The following TTLL8 variants were observed in gnomAD, a reference collection of about 807,000 sequenced individuals.
The protein encoded by TTLL8 is tubulin tyrosine ligase like 8.
Under a neutral mutation model 77.8 loss-of-function variants are expected in TTLL8, and 65 were observed. The observed-to-expected ratio is 0.84, with a 90% CI of 0.68 to 1.03. The LOEUF (loss-of-function observed/expected upper bound fraction) is 1.03, where lower values mean the gene tolerates loss of function less well. Among genes scored for constraint, TTLL8 ranks in the 50% least tolerant of loss-of-function variants. The probability of loss-of-function intolerance (pLI) is 0.00; values close to 1 mark genes in which losing one functional copy is unlikely to be tolerated. For synonymous variants in TTLL8, 402 were observed against 422.8 expected (o/e 0.95, Z 0.60); for missense variants, 910 against 1,004.5 (o/e 0.91, Z 1.27).
At chr22:50,035,334 A>C (rs1316519306) in intron 8 of TTLL8, among the ~76,000 whole-genome samples, 1 of 152,196 alleles carries the variant, frequency 6.6e-6, no homozygotes, top group Non-Finnish European at 1.5e-5. Flanking sequence ...AAGACACAGG[A>C]CATCGGGGTT....
upstream of TTLL8, among the ~76,000 whole-genome samples, chr22:50,056,393 G>A (rs929804603): frequency 2.0e-5 from 3 of 152,150 alleles, no homozygotes; most frequent in African/African-American, 4.8e-5. The surrounding 1 kb of genome is among the most constrained non-coding windows in gnomAD (Gnocchi z 4.1). Flanking sequence ...CACCCACTGC[G>A]GGTGGGGACG....
chr22:50,054,172 G>C (rs1223869426), intron 1 of TTLL8, among the ~76,000 whole-genome samples: 2 of 152,194 alleles, frequency 1.3e-5, no homozygotes, highest in South Asian at 2.1e-4. Flanking sequence ...ATGACTTGGG[G>C]TTCCTCTGTG....
At chr22:50,046,991 C>T (rs1218243745) in intron 4 of TTLL8, 177 bp downstream of exon 6, 4 of 752,900 alleles carry the variant, frequency 5.3e-6, no homozygotes, top group Non-Finnish European at 6.5e-6. Flanking sequence ...CACAGGGGTG[C>T]TGGGGGTGGG....
exon 12 of TTLL8, chr22:50,030,475 G>C (rs1426200378): frequency 7.4e-7 from 1 of 1,346,706 alleles, no homozygotes; most frequent in Non-Finnish European, 9.8e-7. Context: ...GCTGTCTTCA[G>C]GCCCCGCAGC....
At chr22:50,053,309 A>G (rs570389973) in intron 1 of TTLL8, among the ~76,000 whole-genome samples, 22 of 152,310 alleles carry the variant, frequency 1.4e-4, no homozygotes, top group Admixed American at 3.9e-4. Context: ...ACAAATTTCA[A>G]TGGAATAACA....
At chr22:50,024,302 ATTTT>A (rs926219271) in intron 12 of TTLL8, among the ~76,000 whole-genome samples, 1 of 148,214 alleles carries the variant, frequency 6.7e-6, no homozygotes, top group Non-Finnish European at 1.5e-5. Flanking sequence ...ATGCCTGGCT[ATTTT>A]TTTTTTAGTA....
chr22:50,031,848 C>G, exon 11 of TTLL8: 1 of 1,367,228 alleles, frequency 7.3e-7, no homozygotes, highest in Admixed American at 1.9e-5. Flanking sequence ...TGAAGTCCCT[C>G]CCAAGGACGA....
chr22:50,043,052 C>T (rs1457465887), intron 6 of TTLL8, among the ~76,000 whole-genome samples: 5 of 152,224 alleles, frequency 3.3e-5, no homozygotes, highest in African/African-American at 1.2e-4. Context: ...TCGACAGAAA[C>T]GTTATTCATG....
At chr22:50,050,362 C>A in intron 1 of TTLL8, 115 bp from the exon 4 acceptor site, 3 of 624,408 alleles carry the variant, frequency 4.8e-6, no homozygotes, top group Non-Finnish European at 4.8e-6. Flanking sequence ...GGGCACCCAT[C>A]ACCCAATATG....
At chr22:50,029,972 G>T (rs907390125) in intron 12 of TTLL8, among the ~76,000 whole-genome samples, 7 of 152,320 alleles carry the variant, frequency 4.6e-5, no homozygotes, top group Non-Finnish European at 8.8e-5. Context: ...CCCGATGGGG[G>T]CCGGGCGTGG....
At position 50,034,930 on chromosome 22, in the gene TTLL8, C is replaced by T. The variant is rs947066695; in HGVS notation, c.922-468G>A. On this transcript the variant is annotated intron_variant, in intron 8 of 13. Coordinates refer to ENST00000266182, the Ensembl canonical transcript of TTLL8. The surrounding 1 kb of genome is among the most constrained non-coding windows in gnomAD (Gnocchi z 4.1). The stretch of plus-strand genomic sequence containing the variant: ...AGGAAAGTGGCCGGCCCGTGCAGGC[C>T]TCCTGTGTCCCGGCCAGCTGCCAGC... Among the ~76,000 whole-genome samples, 5 of 152,196 alleles carry T rather than the reference C, an allele frequency of 3.3e-5. No homozygotes were observed. The South Asian group carries it at 1.0e-3, about 31-fold the overall frequency.
intron 11 of TTLL8, 131 bp from the exon 13 acceptor site, chr22:50,031,056 C>A: frequency 2.4e-6 from 2 of 827,458 alleles, no homozygotes; most frequent in South Asian, 3.5e-5. Flanking sequence ...ACAGTGAACA[C>A]CTGGGGTCCC....
exon 12 of TTLL8, chr22:50,030,549 G>C: frequency 9.8e-6 from 13 of 1,320,464 alleles, no homozygotes; most frequent in Non-Finnish European, 1.3e-5. Context: ...CTGGGCTACG[G>C]GGACACCGGT....
At chr22:50,046,338 G>A (rs2061411412) in intron 4 of TTLL8, among the ~76,000 whole-genome samples, 1 of 152,220 alleles carries the variant, frequency 6.6e-6, no homozygotes, top group African/African-American at 2.4e-5. Flanking sequence ...CCAGGAGAGG[G>A]AGGAGCGGCT....
intron 12 of TTLL8, among the ~76,000 whole-genome samples, chr22:50,026,444 G>T (rs961879181): frequency 1.1e-4 from 14 of 122,888 alleles, no homozygotes; most frequent in Admixed American, 7.0e-4. Flanking sequence ...ACGGAAATAC[G>T]CCTGCCACTC....
At chr22:50,026,532 G>A (rs935500819) in intron 12 of TTLL8, among the ~76,000 whole-genome samples, 18 of 152,202 alleles carry the variant, frequency 1.2e-4, no homozygotes, top group African/African-American at 3.9e-4. Flanking sequence ...ACCTCAGAGC[G>A]GAGGGTCAGA....
intron 3 of TTLL8, among the ~76,000 whole-genome samples, 194 bp from the exon 6 acceptor site, chr22:50,047,490 G>A (rs1282814703): frequency 1.3e-5 from 2 of 152,202 alleles, no homozygotes; most frequent in East Asian, 1.9e-4. Flanking sequence ...ACCACATACG[G>A]TTTCCACAGA....
chr22:50,056,810 C>T, upstream of TTLL8: 1 of 1,289,588 alleles, frequency 7.8e-7, no homozygotes, highest in Non-Finnish European at 1.0e-6. The surrounding 1 kb of genome is among the most constrained non-coding windows in gnomAD (Gnocchi z 4.1). Flanking sequence ...CCAGCACTGC[C>T]TCTGAGCCCG....
chr22:50,057,025 C>G, upstream of TTLL8: 4 of 1,238,300 alleles, frequency 3.2e-6, no homozygotes, highest in Non-Finnish European at 4.2e-6. Context: ...GTGGGGGGCT[C>G]TGGGGATGGA....
Sources: allele counts gnomAD v4.1 joint callset (sites outside exome capture counted in the v4.1 genomes callset), GRCh38; gene constraint gnomAD v4.1.1; non-coding constraint Gnocchi (gnomAD v3.1); transcripts MANE v1.5; gene names NCBI Gene and HGNC (gene_info 2026-07-23, HGNC 2026-07-21).